The following AHRR variants were observed in gnomAD, a reference collection of about 807,000 sequenced individuals.
The protein encoded by AHRR is aryl hydrocarbon receptor repressor.
Under a neutral mutation model 44.0 loss-of-function variants are expected in AHRR, and 28 were observed. The ratio of observed to expected loss-of-function variants is 0.64; its 90% CI spans 0.47 to 0.87. The LOEUF is 0.87. AHRR is among the 40% of genes least tolerant of loss of function. The pLI is 0.00. For missense variants in AHRR, 990 were observed against 953.9 expected, an observed-to-expected ratio of 1.04 and a Z score of -0.50; for synonymous variants, 434 against 407.0, an observed-to-expected ratio of 1.07 and a Z score of -0.80.
intron 3 of AHRR, among the ~76,000 whole-genome samples, chr5:369,806 A>G (rs181498823): frequency 1.2e-4 from 18 of 152,310 alleles, no homozygotes; most frequent in African/African-American, 3.8e-4. Flanking sequence ...ACTAAATGAC[A>G]TTTTCTTCCG....
intron 4 of AHRR, among the ~76,000 whole-genome samples, chr5:392,813 TCAGGCCTTACCGTGGCCGCCC>T (rs547455042): frequency 6.6e-6 from 1 of 152,192 alleles, no homozygotes; most frequent in African/African-American, 2.4e-5. Flanking sequence ...CGCGACTGCC[TCAGGCCTTACCGTGGCCGCCC>T]CAGGCTTACT....
Position 388,167 on chromosome 5 carries a change from C to T in AHRR, c.351+11451C>T, listed in dbSNP as rs1213800830. Reference sequence around the variant, plus strand: ...GAAATGAATTTTGGAGGACACCACTCAGCCCAGTACCACTGTGCTTACCTC... The same window carrying T: ...GAAATGAATTTTGGAGGACACCACTTAGCCCAGTACCACTGTGCTTACCTC... On this transcript the variant is annotated intron_variant, in intron 4 of 10. Coordinates refer to ENST00000684583, the MANE Select transcript of AHRR (RefSeq NM_001377236.1). The surrounding 1 kb of genome is among the most constrained non-coding windows in gnomAD (Gnocchi z 5.2). Among the ~76,000 whole-genome samples, 2 of 152,222 alleles carry T rather than the reference C, an allele frequency of 1.3e-5. No homozygotes were observed. The highest frequency in any genetic ancestry group is 2.9e-5 in the Non-Finnish European group (2 of 68,046).
At chr5:354,977 G>T (rs967703490) in intron 3 of AHRR, among the ~76,000 whole-genome samples, 1 of 152,254 alleles carries the variant, frequency 6.6e-6, no homozygotes, top group Non-Finnish European at 1.5e-5. Context: ...GGTCTTCCCC[G>T]GGTCCCGGCT....
chr5:324,023 C>CTCTTTCTT (rs1278674794), intron 1 of AHRR, among the ~76,000 whole-genome samples: 47 of 135,228 alleles, frequency 3.5e-4, no homozygotes, highest in Middle Eastern at 3.5e-3. Context: ...TTCTTTCTTT[C>CTCTTTCTT]TCTCTCTCTC....
At chr5:432,567 A>C in intron 9 of AHRR, 43 bp downstream of exon 9, 1 of 1,599,198 alleles carries the variant, frequency 6.3e-7, no homozygotes, top group Non-Finnish European at 8.6e-7. Flanking sequence ...ACATGGGTAA[A>C]ATGTGTTTCT....
chr5:343,860 G>C (rs1188356873), intron 1 of AHRR, 33 bp from the exon 2 acceptor site: 2 of 1,579,556 alleles, frequency 1.3e-6, no homozygotes, highest in Non-Finnish European at 1.7e-6. Flanking sequence ...CACGTGGCGC[G>C]TTCCGGTGAC....
intron 3 of AHRR, among the ~76,000 whole-genome samples, chr5:376,109 G>GCGGCCCCTGGGGGCGTGGGGCCTGCCTAC (rs1266508020): frequency 5.9e-5 from 9 of 151,852 alleles, no homozygotes; most frequent in Non-Finnish European, 7.4e-5. Flanking sequence ...CGATGCGGGT[G>GCGGCCCCTGGGGGCGTGGGGCCTGCCTAC]TGCAGGGCAC....
In AHRR at chr5:388,197, C is replaced by A. The variant is rs1383801969; in HGVS notation, c.351+11481C>A. Among the ~76,000 whole-genome samples, 3 of 152,220 alleles carry A rather than the reference C, an allele frequency of 2.0e-5. No homozygotes were observed. The highest frequency in any genetic ancestry group is 7.2e-5 in the African/African-American group (3 of 41,458). ...CAGTACCACTGTGCTTACCTCACAG[C>A]TCTATCGTACCAGACAGGGGAAAGC... On this transcript the variant is annotated intron_variant, in intron 4 of 10. Transcript: ENST00000684583. The surrounding 1 kb of genome is among the most constrained non-coding windows in gnomAD (Gnocchi z 5.2).
At chr5:378,356 A>C (rs1733833880) in intron 4 of AHRR, among the ~76,000 whole-genome samples, 1 of 152,254 alleles carries the variant, frequency 6.6e-6, no homozygotes, top group Non-Finnish European at 1.5e-5. Context: ...ATTTAAGGTG[A>C]GGAAGTAAGG....
At chr5:345,619 T>C (rs948666449) in intron 2 of AHRR, among the ~76,000 whole-genome samples, 1 of 151,600 alleles carries the variant, frequency 6.6e-6, no homozygotes, top group Non-Finnish European at 1.5e-5. Flanking sequence ...GGTGTGTGTG[T>C]CGGATGATGT....
chr5:356,143 G>C (rs1384643762), intron 3 of AHRR, among the ~76,000 whole-genome samples: 1 of 152,232 alleles, frequency 6.6e-6, no homozygotes, highest in Admixed American at 6.5e-5. Context: ...TTAAGGTCGG[G>C]ATTTTCCACT....
Position 429,208 on chromosome 5 carries a change from G to C in AHRR, c.908+1202G>C, listed in dbSNP as rs536171755. 1.1e-4 allele frequency among the ~76,000 whole-genome samples: 16 copies of C among 151,824 alleles called. No individual in the cohort carries two copies. The East Asian group carries it at 3.1e-3, about 29-fold the overall frequency. On this transcript the variant is annotated intron_variant, in intron 8 of 10. Transcript: ENST00000684583. The stretch of plus-strand genomic sequence containing the variant: ...AGTGAGGTAGGGCCGGGGCTGCCAG[G>C]ATGCCAGAGATCCAACTTCCTCTCA...
At chr5:348,015 C>T (rs528797077) in intron 2 of AHRR, among the ~76,000 whole-genome samples, 29 of 152,322 alleles carry the variant, frequency 1.9e-4, no homozygotes, top group Non-Finnish European at 1.3e-4. Flanking sequence ...AGCATGCCAT[C>T]GGAGGTGGAG....
At chr5:408,964 GGTCT>G (rs1735373534) in intron 4 of AHRR, among the ~76,000 whole-genome samples, 1 of 152,122 alleles carries the variant, frequency 6.6e-6, no homozygotes, top group South Asian at 2.1e-4. Flanking sequence ...TTTGTACATA[GGTCT>G]TTCTCCCACT....
intron 1 of AHRR, 28 bp from the exon 2 acceptor site, chr5:343,865 G>A (rs1363345697): frequency 1.6e-5 from 25 of 1,584,132 alleles, no homozygotes; most frequent in Non-Finnish European, 1.7e-5. Flanking sequence ...GGCGCGTTCC[G>A]GTGACCGGGT....
At chr5:322,805 A>G (rs757725692) in intron 1 of AHRR, 1 of 152,174 alleles carries the variant, frequency 6.6e-6, no homozygotes, top group Non-Finnish European at 1.5e-5. Context: ...AGAACTGGAG[A>G]ACGTAGGATG....
chr5:366,758 G>A (rs1348820055), intron 3 of AHRR, among the ~76,000 whole-genome samples: 3 of 152,240 alleles, frequency 2.0e-5, no homozygotes, highest in Non-Finnish European at 4.4e-5. Context: ...GTGGAGCACA[G>A]CATTGCTTTG....
chr5:388,270 C>A lies in AHRR; in HGVS notation c.351+11554C>A, dbSNP rs1007081978. ...TGGGGCAGAAACTCAGGCCTCCCCC[C>A]GTCCCGAACCCAAGCCCTGAACTGC... On this transcript the variant is annotated intron_variant, in intron 4 of 10. Transcript: ENST00000684583. This position sits in a 1 kb window ranked among gnomAD's most constrained non-coding sequence, Gnocchi z 5.2. Among the ~76,000 whole-genome samples, 1 of 152,190 alleles carries A rather than the reference C, an allele frequency of 6.6e-6. No individual in the cohort carries two copies. Among genetic ancestry groups the A allele is most frequent in the African/African-American group, 2.4e-5 (1 of 41,434 alleles).
chr5:427,593 G>A, intron 7 of AHRR: 1 of 1,608,798 alleles, frequency 6.2e-7, no homozygotes, highest in Non-Finnish European at 8.5e-7. Context: ...CTGGGAGTGG[G>A]GGATGGTTTC....
Sources: allele counts gnomAD v4.1 joint callset (sites outside exome capture counted in the v4.1 genomes callset), GRCh38; gene constraint gnomAD v4.1.1; non-coding constraint Gnocchi (gnomAD v3.1); transcripts MANE v1.5; gene names NCBI Gene and HGNC (gene_info 2026-07-23, HGNC 2026-07-21).